Variants in PTCD2 observed in about 807,000 individuals in gnomAD.
PTCD2 encodes the protein pentatricopeptide repeat-containing protein 2, mitochondrial.
Under a neutral mutation model 42.6 loss-of-function variants are expected in PTCD2, and 31 were observed. The observed-to-expected ratio is 0.73, with a 90% CI of 0.55 to 0.98. The LOEUF is 0.98. PTCD2 is among the 50% of genes least tolerant of loss of function. The pLI is 0.00. For synonymous variants in PTCD2, 183 were observed against 170.9 expected, an observed-to-expected ratio of 1.07 and a Z score of -0.55; for missense variants, 476 against 454.8, an observed-to-expected ratio of 1.05 and a Z score of -0.42.
intron 3 of PTCD2, among the ~76,000 whole-genome samples, chr5:72,329,910 G>T (rs1270484169): frequency 6.6e-6 from 1 of 151,598 alleles, no homozygotes; most frequent in East Asian, 1.9e-4. Context: ...GTGTTGTAAT[G>T]AAGCAATGAA....
rs765543197 is a variant in PTCD2, at chr5:72,358,447, A to G, written c.*20A>G. 2.0e-5 allele frequency: 31 copies of G among 1,581,120 alleles called. No homozygotes were observed. The highest frequency in any genetic ancestry group is 4.4e-5 in the South Asian group (4 of 90,012). ...GAGTAACCCTGGTTTCAGTCCACCTATGGATCTGAGGGGCCTGCTTCTAGT... is the reference window on the plus strand; with the variant it reads ...GAGTAACCCTGGTTTCAGTCCACCTGTGGATCTGAGGGGCCTGCTTCTAGT... On this transcript the variant is annotated 3_prime_UTR_variant, in exon 10 of 10. Transcript: ENST00000380639.
At chr5:72,325,718 C>T (rs936001042) in intron 2 of PTCD2, among the ~76,000 whole-genome samples, 2 of 152,208 alleles carry the variant, frequency 1.3e-5, no homozygotes, top group African/African-American at 4.8e-5. Flanking sequence ...CAGCAGCATT[C>T]CTTCAAAGCT....
intron 6 of PTCD2, among the ~76,000 whole-genome samples, chr5:72,336,693 A>C (rs1389948566): frequency 1.3e-5 from 2 of 148,370 alleles, no homozygotes; most frequent in Non-Finnish European, 3.0e-5. Context: ...CCTGGGTGAC[A>C]GAGTGAGACT....
At chr5:72,342,330 C>T (rs567956386) in intron 7 of PTCD2, among the ~76,000 whole-genome samples, 70 of 152,318 alleles carry the variant, frequency 4.6e-4, no homozygotes, top group African/African-American at 1.7e-3. Context: ...GTCTTAGGAA[C>T]ATACTGTTTC....
chr5:72,331,497 A>G (rs1751438279), intron 4 of PTCD2, 122 bp downstream of exon 4: 2 of 750,138 alleles, frequency 2.7e-6, no homozygotes, highest in African/African-American at 1.7e-5. Flanking sequence ...CTGGGGCTGA[A>G]TGAGCACATC....
At chr5:72,348,202 T>G (rs1479985484) in intron 8 of PTCD2, among the ~76,000 whole-genome samples, 1 of 152,170 alleles carries the variant, frequency 6.6e-6, no homozygotes, top group Non-Finnish European at 1.5e-5. Context: ...GAGCACATTT[T>G]AAAAAATGAC....
At chr5:72,333,256 T>G (rs1751537812) in intron 4 of PTCD2, among the ~76,000 whole-genome samples, 1 of 152,226 alleles carries the variant, frequency 6.6e-6, no homozygotes, top group South Asian at 2.1e-4. Flanking sequence ...TTCTGCATTC[T>G]TATCCTTGAG....
chr5:72,321,558 G>A (rs1202421259), intron 1 of PTCD2, among the ~76,000 whole-genome samples: 1 of 152,200 alleles, frequency 6.6e-6, no homozygotes, highest in Non-Finnish European at 1.5e-5. Context: ...CTTCGGCCAC[G>A]CTTGGTCCGT....
intron 9 of PTCD2, among the ~76,000 whole-genome samples, chr5:72,355,229 T>C (rs941295014): frequency 1.3e-5 from 2 of 152,206 alleles, no homozygotes; most frequent in African/African-American, 4.8e-5. Context: ...TTATTATGCA[T>C]ATTTCAAAAA....
At chr5:72,343,084 A>T (rs746609864) in intron 8 of PTCD2, 48 bp downstream of exon 8, 2 of 1,001,542 alleles carry the variant, frequency 2.0e-6, no homozygotes, top group South Asian at 4.1e-5. Context: ...ATGTATTATA[A>T]TAAATGTATT....
At chr5:72,332,707 G>C (rs1308609586) in intron 4 of PTCD2, among the ~76,000 whole-genome samples, 1 of 152,110 alleles carries the variant, frequency 6.6e-6, no homozygotes, top group Non-Finnish European at 1.5e-5. Context: ...TTCTGGAGTA[G>C]AATGGACAAA....
chr5:72,332,735 G>A (rs1293580353), intron 4 of PTCD2, among the ~76,000 whole-genome samples: 1 of 152,092 alleles, frequency 6.6e-6, no homozygotes, highest in Non-Finnish European at 1.5e-5. Context: ...AAGTGACATA[G>A]GACCTAATCC....
intron 2 of PTCD2, among the ~76,000 whole-genome samples, chr5:72,325,894 T>A (rs1342246600): frequency 2.6e-5 from 4 of 152,196 alleles, no homozygotes; most frequent in Non-Finnish European, 5.9e-5. Flanking sequence ...GGTGCCTCCT[T>A]TTGGTTTTTG....
intron 1 of PTCD2, among the ~76,000 whole-genome samples, 172 bp from the exon 2 acceptor site, chr5:72,322,000 C>G (rs747634493): frequency 6.6e-6 from 1 of 152,142 alleles, no homozygotes; most frequent in Non-Finnish European, 1.5e-5. Context: ...TCTGGTAGTT[C>G]AGAAATTGTT....
Position 72,335,221 on chromosome 5 carries a change from G to A in PTCD2, c.547+125G>A, listed in dbSNP as rs1282134198. On this transcript the variant is annotated intron_variant, in intron 5 of 9. Coordinates refer to ENST00000380639, the MANE Select transcript of PTCD2 (RefSeq NM_024754.5). ...TCCCAGCACTTTGGGAGGCTGAGGC[G>A]GGTGGATCATGAGGTCAGGAGATCG... The A allele has an allele frequency of 4.1e-5, 23 of 561,460 alleles. No individual in the cohort carries two copies. In the Middle Eastern group the frequency reaches 1.9e-3, roughly 46 times the overall value. The allele number at this position is 561,460 out of a possible 1,614,324, so 34.8% of individuals were successfully genotyped here.
intron 7 of PTCD2, among the ~76,000 whole-genome samples, chr5:72,340,952 ATTT>A (rs1263048817): frequency 7.7e-6 from 1 of 130,092 alleles, no homozygotes; most frequent in Admixed American, 7.8e-5. Flanking sequence ...TCGGCCAGTT[ATTT>A]TCTTTTCTTT....
At chr5:72,341,622 T>A (rs180707513) in intron 7 of PTCD2, among the ~76,000 whole-genome samples, 13 of 152,176 alleles carry the variant, frequency 8.5e-5, no homozygotes, top group Non-Finnish European at 1.6e-4. Flanking sequence ...TACATGCCTG[T>A]AGTCCTTGCT....
intron 7 of PTCD2, among the ~76,000 whole-genome samples, chr5:72,341,391 T>C (rs911186977): frequency 6.6e-6 from 1 of 152,094 alleles, no homozygotes; most frequent in African/African-American, 2.4e-5. Context: ...TTTAAAAATA[T>C]CATCTTTATG....
At chr5:72,349,236 T>C (rs1366416726) in intron 8 of PTCD2, among the ~76,000 whole-genome samples, 1 of 152,156 alleles carries the variant, frequency 6.6e-6, no homozygotes, top group African/African-American at 2.4e-5. Context: ...GTAGGAAAAA[T>C]GGGAGTGGAC....
Sources: allele counts gnomAD v4.1 joint callset (sites outside exome capture counted in the v4.1 genomes callset), GRCh38; gene constraint gnomAD v4.1.1; transcripts MANE v1.5; gene names NCBI Gene and HGNC (gene_info 2026-07-23, HGNC 2026-07-21).